Variants in ZNF541 observed in about 807,000 individuals in gnomAD.
The protein encoded by ZNF541 is zinc finger protein 541.
In ZNF541, 23 loss-of-function variants were observed where a neutral mutation model predicts 123.5. The observed-to-expected ratio is 0.19, with a 90% confidence interval of 0.13 to 0.26. The LOEUF (loss-of-function observed/expected upper bound fraction) is 0.26. ZNF541 is among the 10% of genes least tolerant of loss of function. The pLI is 1.00. For missense variants in ZNF541, 1,612 were observed against 1,789.9 expected (o/e 0.90, Z 1.79); for synonymous variants, 751 against 754.5 (o/e 1.00, Z 0.08).
intron 2 of ZNF541, among the ~76,000 whole-genome samples, chr19:47,566,143 C>T (rs1002890702): frequency 3.3e-5 from 5 of 151,884 alleles, no homozygotes; most frequent in Non-Finnish European, 5.9e-5. Context: ...TGCCACTGCA[C>T]TCCAGCCTGG....
rs1379802791 is a variant in ZNF541 at position 47,521,455 on chromosome 19, T to G, written c.3887+24A>C. Reference sequence around the variant, plus strand: ...GGGCTGAGGCTGGGAGCCCTGGGAGTGTTTCCAGGAGAAAGCTGGGTACCT... The same window carrying G: ...GGGCTGAGGCTGGGAGCCCTGGGAGGGTTTCCAGGAGAAAGCTGGGTACCT... On this transcript the variant is annotated intron_variant, in intron 16 of 16. Transcript: ENST00000391901. This position sits in a 1 kb window ranked among gnomAD's most constrained non-coding sequence, Gnocchi z 4.2. 2.3e-5 allele frequency: 36 copies of G among 1,550,046 alleles called. No individual in the cohort carries two copies. Among genetic ancestry groups the G allele is most frequent in the Non-Finnish European group, 3.1e-5 (35 of 1,145,960 alleles).
At chr19:47,533,546 A>T (rs1969681239) in intron 9 of ZNF541, among the ~76,000 whole-genome samples, 1 of 151,720 alleles carries the variant, frequency 6.6e-6, no homozygotes, top group Admixed American at 6.6e-5. Context: ...AATATTCATT[A>T]AAAAAAATCA....
intron 2 of ZNF541, among the ~76,000 whole-genome samples, chr19:47,566,958 G>A (rs1296445748): frequency 3.3e-5 from 5 of 151,658 alleles, no homozygotes; most frequent in Non-Finnish European, 5.9e-5. Context: ...GGCTGAGGCA[G>A]GAGAATGGCA....
intron 4 of ZNF541, among the ~76,000 whole-genome samples, chr19:47,546,368 G>T (rs1229743915): frequency 6.6e-6 from 1 of 152,044 alleles, no homozygotes; most frequent in African/African-American, 2.4e-5. Flanking sequence ...ATTTAGCTGG[G>T]TGTAGTGGCA....
rs1467822170 is a variant in ZNF541, at chr19:47,545,504, T to C, written c.1025A>G (p.Gln342Arg). The C allele has an allele frequency of 8.0e-6, 12 of 1,499,422 alleles. No homozygotes were observed. The highest frequency in any genetic ancestry group is 5.6e-5 in the African/African-American group (4 of 71,518). The allele number at this position is 1,499,422 out of a possible 1,614,324, so 92.9% of individuals were successfully genotyped here. The change falls in exon 5 of 17, where the codon CAG becomes CGG. Residue 342 changes from glutamine to arginine, a missense_variant. By Grantham distance (43) the Gln-to-Arg change is conservative. This residue lies in a region of ZNF541 where 1,080 missense variants were observed against 1,013.8 expected (regional missense o/e 1.07). Transcript: ENST00000391901. The surrounding 1 kb of genome is among the most constrained non-coding windows in gnomAD (Gnocchi z 7.5). ...TELPEEPCLP[Q>R]KEPATDVFTA... ...GAACACGTCAGTGGCCGGCTCTTTC[T>C]GTGGGAGGCAAGGCTCCTCGGGAAG...
chr19:47,553,326 T>C (rs887188990), intron 3 of ZNF541, among the ~76,000 whole-genome samples: 5 of 151,146 alleles, frequency 3.3e-5, no homozygotes, highest in African/African-American at 1.2e-4. Flanking sequence ...GTAACCTCCA[T>C]CTCCCAGATT....
Position 47,544,601 on chromosome 19 carries a change from G to A in ZNF541, c.1928C>T (p.Thr643Met), listed in dbSNP as rs1477438210. 5.2e-6 allele frequency: 8 copies of A among 1,551,300 alleles called. No individual in the cohort carries two copies. The Admixed American group carries it at 9.8e-5, about 19-fold the overall frequency. Residue 643 changes from threonine to methionine, a missense_variant, in exon 5 of 17, where the codon ACG becomes ATG. Thr to Met is a moderately conservative substitution (Grantham distance 81). This residue lies in a region of ZNF541 where 1,080 missense variants were observed against 1,013.8 expected (regional missense o/e 1.07). Coordinates refer to ENST00000391901, the MANE Select transcript of ZNF541 (RefSeq NM_001277075.3). ...GVPREASPGS[T>M]RRDAKGGLKV... ...CAGTCCCCCCTTTGCGTCTCGTCTC[G>A]TGCTGCCGGGGGAGGCCTCTCTGGG... is the stretch of plus-strand genomic sequence containing the variant.
chr19:47,560,786 C>A (rs964290646), intron 2 of ZNF541, among the ~76,000 whole-genome samples: 2 of 152,110 alleles, frequency 1.3e-5, no homozygotes, highest in Admixed American at 6.6e-5. Flanking sequence ...CAGCTTTGTT[C>A]ATAACTGCCC....
chr19:47,526,803 C>G (rs911181848), intron 14 of ZNF541, among the ~76,000 whole-genome samples: 2 of 152,148 alleles, frequency 1.3e-5, no homozygotes, highest in Non-Finnish European at 2.9e-5. Context: ...AAGCATACAC[C>G]TACTAAGTCA....
In ZNF541 at chr19:47,555,753, C is replaced by T. The variant is rs1004390063; in HGVS notation, c.104G>A (p.Arg35Gln). The T allele has an allele frequency of 2.4e-5, 37 of 1,551,600 alleles. 1 individual carries two copies. The highest frequency in any genetic ancestry group is 2.4e-4 in the Admixed American group (12 of 50,960). The stretch of plus-strand genomic sequence containing the variant: ...GCCTCGCGTGTTGGGACCCAAATCC[C>T]GGTTGAGGGTGTCGCTGCAGTTGAG... The part of the protein sequence containing the change: ...QGLNCSDTLN[R>Q]DLGPNTRGFL... The change falls in exon 3 of 17, where the codon CGG becomes CAG. Residue 35 changes from arginine to glutamine, a missense_variant. Physicochemically the swap from Arg to Gln is conservative, Grantham distance 43 (BLOSUM62 1). Coordinates refer to ENST00000391901, the MANE Select transcript of ZNF541 (RefSeq NM_001277075.3).
Position 47,545,725 on chromosome 19 carries a change from G to A in ZNF541, c.804C>T (p.Leu268=). ...VPPEARSPGS[L]LPHRDLLRRI... is the part of the protein sequence containing the mutation. Reference sequence around the variant, plus strand: ...GGCGCAGGAGGTCCCGGTGGGGCAGGAGGGAGCCGGGGGACCTGGCCTCTG... The same window carrying A: ...GGCGCAGGAGGTCCCGGTGGGGCAGAAGGGAGCCGGGGGACCTGGCCTCTG... The change falls in exon 5 of 17, where the codon CTC becomes CTT. Residue 268 remains leucine, a synonymous_variant. Coordinates refer to ENST00000391901, the MANE Select transcript of ZNF541 (RefSeq NM_001277075.3). The surrounding 1 kb of genome is among the most constrained non-coding windows in gnomAD (Gnocchi z 7.5). 6.5e-7 allele frequency: 1 copy of A among 1,546,184 alleles called. No homozygotes were observed. Among genetic ancestry groups the A allele is most frequent in the Non-Finnish European group, 8.7e-7 (1 of 1,146,638 alleles).
intron 9 of ZNF541, among the ~76,000 whole-genome samples, chr19:47,533,927 C>G (rs910056182): frequency 6.6e-6 from 1 of 152,232 alleles, no homozygotes; most frequent in African/African-American, 2.4e-5. Context: ...ACCCAGCCAG[C>G]TCCCAGCTCC....
At chr19:47,553,555 C>G (rs979113911) in intron 3 of ZNF541, among the ~76,000 whole-genome samples, 3 of 151,846 alleles carry the variant, frequency 2.0e-5, no homozygotes, top group Admixed American at 1.3e-4. Context: ...ATTACAGGCA[C>G]GTACCACCAC....
chr19:47,569,250 G>GTAATAA (rs949382308), intron 2 of ZNF541, among the ~76,000 whole-genome samples: 1 of 151,372 alleles, frequency 6.6e-6, no homozygotes, highest in Non-Finnish European at 1.5e-5. Context: ...ATTCATCATT[G>GTAATAA]TAATAATAAT....
At chr19:47,547,653 G>A (rs759896202) in intron 4 of ZNF541, among the ~76,000 whole-genome samples, 12 of 152,070 alleles carry the variant, frequency 7.9e-5, no homozygotes, top group Non-Finnish European at 1.5e-4. Context: ...GATGAAAGAT[G>A]GATTAGTCAA....
In ZNF541 at chr19:47,545,193, C is replaced by T. The variant is rs1390649032; in HGVS notation, c.1336G>A (p.Glu446Lys). ...PSAVPSREGS[E>K]SGPGPSSGSP... ...CCGCTGCTGGGTCCCGGGCCAGACTCGGAGCCCTCCCGCGAGGGCACGGCC... is the reference window on the plus strand; with the variant it reads ...CCGCTGCTGGGTCCCGGGCCAGACTTGGAGCCCTCCCGCGAGGGCACGGCC... Residue 446 changes from glutamate to lysine, a missense_variant, in exon 5 of 17, where the codon GAG becomes AAG. Physicochemically the swap from Glu to Lys is moderately conservative, Grantham distance 56. Transcript: ENST00000391901. This position sits in a 1 kb window ranked among gnomAD's most constrained non-coding sequence, Gnocchi z 7.5. The T allele has an allele frequency of 1.3e-6, 2 of 1,519,982 alleles. No individual in the cohort carries two copies. The highest frequency in any genetic ancestry group is 2.5e-5 in the South Asian group (2 of 80,956). The allele number at this position is 1,519,982 out of a possible 1,614,324, so 94.2% of individuals were successfully genotyped here.
chr19:47,524,662 C>T (rs1465330676), intron 14 of ZNF541, among the ~76,000 whole-genome samples: 3 of 147,598 alleles, frequency 2.0e-5, no homozygotes, highest in African/African-American at 5.0e-5. Context: ...GAGCTGAGAT[C>T]GTACCACTGC....
intron 2 of ZNF541, among the ~76,000 whole-genome samples, chr19:47,568,382 T>C (rs1971347323): frequency 6.6e-6 from 1 of 152,272 alleles, no homozygotes; most frequent in East Asian, 1.9e-4. Context: ...TCTTACTCTG[T>C]CGCCCAGACT....
At chr19:47,528,315 C>CA (rs1241374840) in intron 14 of ZNF541, among the ~76,000 whole-genome samples, 3,292 of 43,162 alleles carry the variant, frequency 0.076, 93 homozygotes, top group African/African-American at 0.09. Flanking sequence ...AACTCCGTCT[C>CA]AAAAAAAAAA....
Sources: gnomAD v4.1 joint callset for allele counts (sites outside exome capture counted in the v4.1 genomes callset) on GRCh38, gnomAD v4.1.1 for gene constraint, gnomAD v4.1.1 regional missense constraint, Gnocchi (gnomAD v3.1) non-coding constraint, MANE v1.5 for transcripts, NCBI Gene and HGNC (gene_info 2026-07-23, HGNC 2026-07-21) for gene names.